GHR: variants seen among roughly 807,000 people sequenced by gnomAD.
GHR encodes the protein growth hormone receptor.
A neutral mutation model predicts 67.1 loss-of-function variants in GHR; 35 were observed. That is an observed-to-expected ratio of 0.52 (90% CI 0.40 to 0.69). The LOEUF (loss-of-function observed/expected upper bound fraction) is 0.69. Among genes scored for constraint, GHR ranks in the 30% least tolerant of loss-of-function variants. The probability of loss-of-function intolerance (pLI) is 0.00; values close to 1 mark genes in which losing one functional copy is unlikely to be tolerated. For missense variants in GHR, 792 were observed against 764.6 expected, an observed-to-expected ratio of 1.04 and a Z score of -0.42; for synonymous variants, 272 against 269.1, an observed-to-expected ratio of 1.01 and a Z score of -0.10.
chr5:42,564,743 AG>A (rs1399239882), intron 1 of GHR, among the ~76,000 whole-genome samples: 5 of 152,204 alleles, frequency 3.3e-5, no homozygotes, highest in Non-Finnish European at 5.9e-5. Flanking sequence ...CAGCCTGATT[AG>A]GGATACCATG....
chr5:42,437,979 A>G (rs2111938029), intron 1 of GHR, among the ~76,000 whole-genome samples: 1 of 151,542 alleles, frequency 6.6e-6, no homozygotes, highest in Middle Eastern at 3.4e-3. Context: ...ATTTCTAGAG[A>G]AAAAAAAATC....
At chr5:42,547,947 A>C (rs1021452153) in intron 1 of GHR, 8 of 269,886 alleles carry the variant, frequency 3.0e-5, no homozygotes, top group Non-Finnish European at 4.0e-5. Context: ...CTTTGTTCTT[A>C]TACTCCTTAG....
chr5:42,481,622 C>A (rs1745641878), intron 1 of GHR, among the ~76,000 whole-genome samples: 3 of 152,162 alleles, frequency 2.0e-5, no homozygotes, highest in African/African-American at 7.2e-5. Context: ...TCTCTTCTCG[C>A]TTCATTTCAT....
At chr5:42,475,940 C>G (rs563247041) in intron 1 of GHR, among the ~76,000 whole-genome samples, 1 of 102,944 alleles carries the variant, frequency 9.7e-6, no homozygotes, top group South Asian at 2.7e-4. Flanking sequence ...GAGTCTCGCT[C>G]TGTCACCAGG....
intron 2 of GHR, among the ~76,000 whole-genome samples, chr5:42,593,447 G>A (rs761751256): frequency 6.6e-6 from 1 of 152,122 alleles, no homozygotes; most frequent in East Asian, 1.9e-4. Context: ...ACCTAATTTG[G>A]TGAGCATTTA....
rs549058458 is a variant in GHR, at chr5:42,605,054, C to T, written c.71-23984C>T. 3.3e-5 allele frequency among the ~76,000 whole-genome samples: 5 copies of T among 150,944 alleles called. No homozygotes were observed. In the South Asian group the frequency reaches 1.0e-3, roughly 32 times the overall value. On this transcript the variant is annotated intron_variant, in intron 2 of 9. Coordinates refer to ENST00000230882, the MANE Select transcript of GHR (RefSeq NM_000163.5). ...AACTGGCTTTGTGTAGCAGAGGTAC[C>T]TCACCAATCAACTTGACCAGAGATT...
intron 3 of GHR, among the ~76,000 whole-genome samples, chr5:42,673,998 CA>C (rs1179338506): frequency 6.6e-6 from 1 of 152,088 alleles, no homozygotes; most frequent in Non-Finnish European, 1.5e-5. Flanking sequence ...GTGACTCTAA[CA>C]TTCAATAATT....
chr5:42,660,781 GAGA>G (rs886614494), intron 3 of GHR, among the ~76,000 whole-genome samples: 2 of 152,110 alleles, frequency 1.3e-5, no homozygotes, highest in African/African-American at 4.8e-5. Context: ...GACGAGCTGA[GAGA>G]AGACTTCAGA....
At chr5:42,707,775 TTACTCCACA>T (rs1411942547) in intron 6 of GHR, among the ~76,000 whole-genome samples, 1 of 151,928 alleles carries the variant, frequency 6.6e-6, no homozygotes, top group Admixed American at 6.6e-5. Context: ...CTCTACACTT[TTACTCCACA>T]TACTCCACAC....
intron 7 of GHR, among the ~76,000 whole-genome samples, chr5:42,712,223 C>G (rs926724858): frequency 1.3e-5 from 2 of 152,016 alleles, no homozygotes; most frequent in Non-Finnish European, 2.9e-5. Flanking sequence ...TCTCATGATA[C>G]TAAATAGCAT....
At chr5:42,551,235 A>C (rs28943881) in intron 1 of GHR, among the ~76,000 whole-genome samples, 53,185 of 152,032 alleles carry the variant, frequency 0.35, 10,811 homozygotes, top group African/African-American at 0.56. Context: ...CTCATCTGTT[A>C]CACCCACAGG....
intron 7 of GHR, among the ~76,000 whole-genome samples, chr5:42,712,978 A>G (rs1758537076): frequency 6.6e-6 from 1 of 151,894 alleles, no homozygotes; most frequent in African/African-American, 2.4e-5. Context: ...CTCTGCCTTC[A>G]TCTTTTTGAT....
intron 3 of GHR, among the ~76,000 whole-genome samples, chr5:42,629,518 C>T (rs1012514474): frequency 7.6e-6 from 1 of 131,954 alleles, no homozygotes; most frequent in East Asian, 2.0e-4. Flanking sequence ...TCCGCTTCAC[C>T]ATGATTATAG....
At chr5:42,645,702 G>A (rs931622024) in intron 3 of GHR, among the ~76,000 whole-genome samples, 1 of 152,152 alleles carries the variant, frequency 6.6e-6, no homozygotes, top group African/African-American at 2.4e-5. Flanking sequence ...CACCATCCCA[G>A]GTCAGGGGCT....
At chr5:42,598,407 G>A (rs6876245) in intron 2 of GHR, among the ~76,000 whole-genome samples, 4,257 of 152,250 alleles carry the variant, frequency 0.028, 158 homozygotes, top group African/African-American at 0.085. Flanking sequence ...CCATTACCTG[G>A]GGATAATGGG....
chr5:42,477,393 AC>A (rs1745386803), intron 1 of GHR, among the ~76,000 whole-genome samples: 1 of 152,112 alleles, frequency 6.6e-6, no homozygotes, highest in Admixed American at 6.5e-5. Flanking sequence ...TTGGGTATAT[AC>A]CCCAGTAATG....
intron 2 of GHR, among the ~76,000 whole-genome samples, chr5:42,581,630 A>G (rs572225898): frequency 1.4e-4 from 21 of 152,312 alleles, no homozygotes; most frequent in African/African-American, 4.1e-4. Context: ...AGCCTCATAC[A>G]TAGAGATTCT....
chr5:42,686,683 T>C (rs1193308475), intron 3 of GHR, among the ~76,000 whole-genome samples: 1 of 152,142 alleles, frequency 6.6e-6, no homozygotes. Flanking sequence ...TATCTCAAAA[T>C]AATAAGAGCT....
chr5:42,579,136 TAGATGATAGATA>T (rs1561138901), intron 2 of GHR, among the ~76,000 whole-genome samples: 1 of 67,736 alleles, frequency 1.5e-5, no homozygotes, highest in Non-Finnish European at 3.2e-5. Flanking sequence ...GATAGATAGA[TAGATGATAGATA>T]GATATAGATA....
Sources: allele counts gnomAD v4.1 joint callset (sites outside exome capture counted in the v4.1 genomes callset), GRCh38; gene constraint gnomAD v4.1.1; transcripts MANE v1.5; gene names NCBI Gene and HGNC (gene_info 2026-07-23, HGNC 2026-07-21).